The following LRMDA variants were observed in gnomAD, a reference collection of about 807,000 sequenced individuals.
LRMDA encodes the protein leucine rich melanocyte differentiation associated.
LRMDA carries 18 observed loss-of-function variants against 29.8 expected under a neutral mutation model. The ratio of observed to expected loss-of-function variants is 0.60; its 90% CI spans 0.42 to 0.90. The LOEUF is 0.90. LRMDA is among the 40% of genes least tolerant of loss of function. The pLI, the probability that LRMDA is intolerant of heterozygous loss-of-function variation, is 0.00. For synonymous variants in LRMDA, 125 were observed against 109.4 expected, an observed-to-expected ratio of 1.14 and a Z score of -0.89; for missense variants, 273 against 273.9, an observed-to-expected ratio of 1.00 and a Z score of 0.02.
intron 5 of LRMDA, among the ~76,000 whole-genome samples, chr10:76,183,961 G>A (rs1397152929): frequency 1.3e-5 from 2 of 152,084 alleles, no homozygotes; most frequent in East Asian, 3.9e-4. Context: ...GGCCTCAAGT[G>A]ATGCTCCACC....
intron 6 of LRMDA, among the ~76,000 whole-genome samples, chr10:76,439,090 A>G (rs1449342419): frequency 2.0e-5 from 3 of 152,228 alleles, no homozygotes; most frequent in Admixed American, 2.0e-4. Context: ...AGTGAAATTA[A>G]TTTTTGGCTG....
Position 76,120,370 on chromosome 10 carries a change from C to T in LRMDA, c.516+61587C>T, listed in dbSNP as rs913012585. ...CACCGGGATAATTTTTGTATTTTAG[C>T]GGAGACAGGATTTTGCCATGTTGGG... is the stretch of plus-strand genomic sequence containing the variant. On this transcript the variant is annotated intron_variant, in intron 5 of 6. Transcript: ENST00000611255. 5.3e-5 allele frequency among the ~76,000 whole-genome samples: 8 copies of T among 151,656 alleles called. No homozygotes were observed. The East Asian group carries it at 7.7e-4, about 15-fold the overall frequency.
chr10:75,464,097 C>T (rs940254006), intron 2 of LRMDA, among the ~76,000 whole-genome samples: 1 of 152,214 alleles, frequency 6.6e-6, no homozygotes, highest in African/African-American at 2.4e-5. Context: ...CCACTGCGCC[C>T]ATCCTGTTCT....
intron 2 of LRMDA, among the ~76,000 whole-genome samples, chr10:75,754,114 A>G (rs188215796): frequency 6.6e-6 from 1 of 152,222 alleles, no homozygotes; most frequent in Non-Finnish European, 1.5e-5. Flanking sequence ...AGCCCTGCCC[A>G]GGGAAGAAAA....
chr10:75,732,341 G>C (rs756525462), intron 2 of LRMDA, among the ~76,000 whole-genome samples: 10 of 152,190 alleles, frequency 6.6e-5, no homozygotes, highest in Non-Finnish European at 1.5e-4. Context: ...CTGGGGCAAG[G>C]TTCGTGCTCT....
At chr10:76,299,598 C>T (rs1163459927) in intron 5 of LRMDA, among the ~76,000 whole-genome samples, 4 of 108,196 alleles carry the variant, frequency 3.7e-5, no homozygotes, top group Admixed American at 1.8e-4. Flanking sequence ...CACCCCCCTT[C>T]CTTTCTTTTT....
At chr10:75,638,780 G>A (rs12414839) in intron 2 of LRMDA, among the ~76,000 whole-genome samples, 20,268 of 152,220 alleles carry the variant, frequency 0.13, 1,737 homozygotes, top group East Asian at 0.31. Context: ...CCTTGCTTGT[G>A]TTTTACAGAG....
chr10:76,088,386 G>A (rs1849173231), intron 5 of LRMDA, among the ~76,000 whole-genome samples: 1 of 152,192 alleles, frequency 6.6e-6, no homozygotes, highest in African/African-American at 2.4e-5. Context: ...CTATTGAGGA[G>A]GGGTTCATTT....
chr10:75,961,348 T>A (rs892791182), intron 2 of LRMDA, among the ~76,000 whole-genome samples: 2 of 152,268 alleles, frequency 1.3e-5, no homozygotes, highest in Admixed American at 6.5e-5. Context: ...AATGACTACC[T>A]AATATTCTCG....
chr10:76,540,307 A>G (rs181360901), intron 6 of LRMDA, among the ~76,000 whole-genome samples: 71 of 152,340 alleles, frequency 4.7e-4, no homozygotes, highest in African/African-American at 1.7e-3. Flanking sequence ...AGAGGGGGAA[A>G]TCTCTTCATC....
intron 2 of LRMDA, among the ~76,000 whole-genome samples, chr10:75,934,829 C>A (rs1846261155): frequency 6.6e-6 from 1 of 152,166 alleles, no homozygotes; most frequent in African/African-American, 2.4e-5. Flanking sequence ...CTCCCTTTTT[C>A]TTTTAGAACA....
chr10:75,842,717 G>C (rs1009531279), intron 2 of LRMDA, among the ~76,000 whole-genome samples: 1 of 152,134 alleles, frequency 6.6e-6, no homozygotes, highest in South Asian at 2.1e-4. Flanking sequence ...CAAATATAAC[G>C]TGGGTCATGG....
At chr10:76,338,340 G>T (rs1397274092) in intron 6 of LRMDA, among the ~76,000 whole-genome samples, 1 of 150,550 alleles carries the variant, frequency 6.6e-6, no homozygotes, top group African/African-American at 2.4e-5. Flanking sequence ...TTCCAGCCGG[G>T]GCAGCATAGT....
chr10:75,690,759 A>G (rs1436205790), intron 2 of LRMDA, among the ~76,000 whole-genome samples: 1 of 151,638 alleles, frequency 6.6e-6, no homozygotes, highest in East Asian at 2.0e-4. Flanking sequence ...AGAGCTCAAG[A>G]CCAGCCTGGT....
intron 6 of LRMDA, among the ~76,000 whole-genome samples, chr10:76,550,682 G>A (rs1015728908): frequency 7.2e-5 from 11 of 152,162 alleles, no homozygotes; most frequent in African/African-American, 2.7e-4. Context: ...TGGGTAAGGT[G>A]TAGAGCCTTT....
intron 2 of LRMDA, among the ~76,000 whole-genome samples, chr10:75,763,445 G>C (rs1200013115): frequency 6.6e-6 from 1 of 152,032 alleles, no homozygotes; most frequent in African/African-American, 2.4e-5. Flanking sequence ...TTGATGGTTT[G>C]GGTTCTTTGG....
chr10:75,849,813 A>G (rs1469456241), intron 2 of LRMDA, among the ~76,000 whole-genome samples: 1 of 152,242 alleles, frequency 6.6e-6, no homozygotes, highest in Non-Finnish European at 1.5e-5. Flanking sequence ...CATTTACTGA[A>G]GGAAAGCAAG....
At chr10:75,797,453 A>T (rs1367712908) in intron 2 of LRMDA, among the ~76,000 whole-genome samples, 1 of 152,154 alleles carries the variant, frequency 6.6e-6, no homozygotes, top group African/African-American at 2.4e-5. Flanking sequence ...TGATTTTTTT[A>T]AAATAAAATC....
chr10:76,022,214 G>A (rs1426486880), intron 2 of LRMDA, among the ~76,000 whole-genome samples: 1 of 152,144 alleles, frequency 6.6e-6, no homozygotes, highest in African/African-American at 2.4e-5. Flanking sequence ...TTGGAGGACA[G>A]GATTGTACTC....
Sources: allele counts gnomAD v4.1 joint callset (sites outside exome capture counted in the v4.1 genomes callset), GRCh38; gene constraint gnomAD v4.1.1; transcripts MANE v1.5; gene names NCBI Gene and HGNC (gene_info 2026-07-23, HGNC 2026-07-21).